The following ETS1 variants were observed in gnomAD, a reference collection of about 807,000 sequenced individuals.
ETS1 encodes the protein ETS proto-oncogene 1, transcription factor.
Under a neutral mutation model 58.6 loss-of-function variants are expected in ETS1, and 15 were observed. That is an observed-to-expected ratio of 0.26 (90% confidence interval 0.17 to 0.39). The LOEUF is 0.39. Ranked by LOEUF, ETS1 falls within the 10% of genes least tolerant of loss-of-function variation. The pLI, the probability that ETS1 is intolerant of heterozygous loss-of-function variation, is 1.00. For missense variants in ETS1, 417 were observed against 610.5 expected (o/e 0.68, Z 3.34); for synonymous variants, 214 against 218.2 (o/e 0.98, Z 0.17).
intron 2 of ETS1, among the ~76,000 whole-genome samples, chr11:128,564,792 T>C (rs2135567328): frequency 6.6e-6 from 1 of 152,204 alleles, no homozygotes; most frequent in East Asian, 1.9e-4. Flanking sequence ...CATCTTGTGG[T>C]ATGGAGATGG....
chr11:128,544,309 G>A (rs1173809327), intron 3 of ETS1, among the ~76,000 whole-genome samples: 1 of 143,574 alleles, frequency 7.0e-6, no homozygotes, highest in Non-Finnish European at 1.5e-5. Flanking sequence ...AATTTTGAAA[G>A]GGCAGATGAA....
intron 3 of ETS1, among the ~76,000 whole-genome samples, chr11:128,512,347 A>G (rs1162128585): frequency 6.6e-6 from 1 of 152,256 alleles, no homozygotes; most frequent in East Asian, 1.9e-4. Flanking sequence ...CACAAGCACC[A>G]GTAGATAAAC....
At chr11:128,546,547 T>C (rs563504392) in intron 3 of ETS1, among the ~76,000 whole-genome samples, 3 of 152,232 alleles carry the variant, frequency 2.0e-5, no homozygotes, top group Admixed American at 6.5e-5. Flanking sequence ...CTTATAATAC[T>C]TAATACAATG....
intron 3 of ETS1, among the ~76,000 whole-genome samples, chr11:128,545,636 C>T (rs1332494357): frequency 6.6e-6 from 1 of 152,164 alleles, no homozygotes; most frequent in Non-Finnish European, 1.5e-5. Flanking sequence ...GAAGAACAGG[C>T]CTTCTTTTGG....
intron 2 of ETS1, among the ~76,000 whole-genome samples, chr11:128,570,031 T>C (rs976364993): frequency 6.6e-6 from 1 of 152,182 alleles, no homozygotes; most frequent in Admixed American, 6.5e-5. Context: ...GGGTGTTCAA[T>C]TGCAGGGAGG....
chr11:128,557,411 T>C (rs138110974), intron 2 of ETS1, among the ~76,000 whole-genome samples: 20 of 152,324 alleles, frequency 1.3e-4, no homozygotes, highest in African/African-American at 4.3e-4. Flanking sequence ...ATGAGAAAAT[T>C]GTATATAAAG....
At chr11:128,571,509 A>C (rs1180052461) in intron 2 of ETS1, among the ~76,000 whole-genome samples, 14 of 5,092 alleles carry the variant, frequency 2.7e-3, no homozygotes, top group African/African-American at 0.015. Context: ...GTCAAAAAAA[A>C]AAAAAAAAAA....
At chr11:128,462,656 T>A in intron 9 of ETS1, 80 bp from the exon 10 acceptor site, 1 of 1,003,388 alleles carries the variant, frequency 1.0e-6, no homozygotes, top group Non-Finnish European at 1.5e-6. Flanking sequence ...TCTATGCCTA[T>A]GCTATACCCA....
intron 3 of ETS1, among the ~76,000 whole-genome samples, chr11:128,511,060 T>C (rs182316611): frequency 2.4e-4 from 36 of 152,330 alleles, no homozygotes; most frequent in Middle Eastern, 3.4e-3. Context: ...TCATCTAAGA[T>C]GACATTAATC....
Position 128,543,109 on chromosome 11 carries a change from C to G in ETS1, c.214+13182G>C, listed in dbSNP as rs1431827576. ...TCGGGAGGCTGAGACAGGAGAATTG[C>G]TTGAACCCTGGAGGCGGAAGTTGCA... is the stretch of plus-strand genomic sequence containing the variant. On this transcript the variant is annotated intron_variant, in intron 3 of 9. Coordinates refer to ENST00000392668, the MANE Select transcript of ETS1 (RefSeq NM_001143820.2). Among the ~76,000 whole-genome samples, 6 of 151,522 alleles carry G rather than the reference C, an allele frequency of 4.0e-5. No individual in the cohort carries two copies. In the South Asian group the frequency reaches 6.2e-4, roughly 16 times the overall value.
intron 3 of ETS1, among the ~76,000 whole-genome samples, chr11:128,551,582 C>T (rs531802417): frequency 5.3e-5 from 8 of 152,106 alleles, no homozygotes; most frequent in Non-Finnish European, 7.3e-5. Flanking sequence ...ACATGGAAAC[C>T]ATTTGCTCTA....
chr11:128,480,097 C>A, intron 8 of ETS1, 94 bp downstream of exon 8: 1 of 1,514,682 alleles, frequency 6.6e-7, no homozygotes, highest in Non-Finnish European at 8.9e-7. Flanking sequence ...GGGAGTCTCT[C>A]GTCGTCTCTG....
chr11:128,478,192 C>T (rs1364106737), intron 8 of ETS1, among the ~76,000 whole-genome samples: 1 of 151,980 alleles, frequency 6.6e-6, no homozygotes, highest in African/African-American at 2.4e-5. Flanking sequence ...TAATCACCAC[C>T]CCTTCTCTTC....
At chr11:128,470,326 T>G (rs1001350579) in intron 8 of ETS1, among the ~76,000 whole-genome samples, 3 of 152,198 alleles carry the variant, frequency 2.0e-5, no homozygotes, top group Admixed American at 2.0e-4. Context: ...TTAAAATATA[T>G]GATGCCTGTG....
intron 1 of ETS1, among the ~76,000 whole-genome samples, chr11:128,577,734 T>A (rs879258): frequency 1.8e-3 from 270 of 152,282 alleles, no homozygotes; most frequent in African/African-American, 6.3e-3. Flanking sequence ...TTACCCAGCG[T>A]CCAAATCATT....
intron 7 of ETS1, among the ~76,000 whole-genome samples, chr11:128,484,217 C>T (rs12278806): frequency 0.01 from 1,555 of 152,290 alleles, 28 homozygotes; most frequent in African/African-American, 0.036. Context: ...AACCCCTGGC[C>T]ACCTCCGTCC....
intron 7 of ETS1, among the ~76,000 whole-genome samples, chr11:128,481,982 T>C (rs1476494392): frequency 6.6e-6 from 1 of 152,114 alleles, no homozygotes; most frequent in Non-Finnish European, 1.5e-5. Context: ...CCTCCACTCA[T>C]CCATTCAGAG....
At chr11:128,572,724 A>G (rs1339724997) in intron 2 of ETS1, among the ~76,000 whole-genome samples, 1 of 152,200 alleles carries the variant, frequency 6.6e-6, no homozygotes. Context: ...TATAATATGT[A>G]TAGGAATAAG....
In ETS1 at chr11:128,462,200, C is replaced by T. The variant is rs1248965779; in HGVS notation, c.*161G>A. On this transcript the variant is annotated 3_prime_UTR_variant, in exon 10 of 10. Coordinates refer to ENST00000392668, the MANE Select transcript of ETS1 (RefSeq NM_001143820.2). ...TCCTGGCTTTCCTTTCCCAACTGCG[C>T]ACAATTGATTACAGCTGCAACTGAC... The T allele has an allele frequency of 6.6e-6, 4 of 610,228 alleles. No homozygotes were observed. Among genetic ancestry groups the T allele is most frequent in the Admixed American group, 3.0e-5 (1 of 33,870 alleles). The allele number at this position is 610,228 out of a possible 1,614,324, so 37.8% of individuals were successfully genotyped here.
Sources: allele counts gnomAD v4.1 joint callset (sites outside exome capture counted in the v4.1 genomes callset), GRCh38; gene constraint gnomAD v4.1.1; transcripts MANE v1.5; gene names NCBI Gene and HGNC (gene_info 2026-07-23, HGNC 2026-07-21).